Variants in ZNF334 observed in about 807,000 individuals in gnomAD.
ZNF334 encodes the protein zinc finger protein 334.
ZNF334 carries 14 observed loss-of-function variants against 12.4 expected under a neutral mutation model. The ratio of observed to expected loss-of-function variants is 1.13; its 90% CI spans 0.74 to 1.76. The LOEUF (loss-of-function observed/expected upper bound fraction) is 1.76, where lower values mean the gene tolerates loss of function less well. ZNF334 is among the 40% of genes most tolerant of loss of function. The pLI, the probability that ZNF334 is intolerant of heterozygous loss-of-function variation, is 0.00. For synonymous variants in ZNF334, 273 were observed against 269.6 expected (o/e 1.01, Z -0.12); for missense variants, 797 against 804.5 (o/e 0.99, Z 0.11).
chr20:46,471,322 A>T, the ZNF334 span, among the ~76,000 whole-genome samples: 1 of 152,214 alleles, frequency 6.6e-6, no homozygotes, highest in Non-Finnish European at 1.5e-5. Flanking sequence ...TCTGCTATCA[A>T]TTCAAAAAGG....
the ZNF334 span, chr20:46,474,730 T>A: frequency 6.6e-6 from 1 of 152,208 alleles, no homozygotes; most frequent in Admixed American, 6.5e-5. Flanking sequence ...GTAAAGTATG[T>A]GAAGTATAAA....
downstream of ZNF334, among the ~76,000 whole-genome samples, chr20:46,495,852 GC>G (rs1438237757): frequency 3.3e-5 from 5 of 152,154 alleles, no homozygotes; most frequent in Non-Finnish European, 7.3e-5. Context: ...CTTGGGAACA[GC>G]AAGAATTCAT....
At position 46,501,251 on chromosome 20, in the gene ZNF334, T is replaced by C; in HGVS notation, c.*45A>G. The C allele has an allele frequency of 6.4e-7, 1 of 1,573,858 alleles. No individual in the cohort carries two copies. Among genetic ancestry groups the C allele is most frequent in the Non-Finnish European group, 8.6e-7 (1 of 1,161,262 alleles). Reference sequence around the variant, plus strand: ...TACTCACAGTTTAGCATTGTGTAAGTTATTTGATTTGTTGCTTTGTTGGAA... The same window carrying C: ...TACTCACAGTTTAGCATTGTGTAAGCTATTTGATTTGTTGCTTTGTTGGAA... On this transcript the variant is annotated 3_prime_UTR_variant, in exon 5 of 5. Transcript: ENST00000692313.
At chr20:46,508,513 T>C (rs1457578282) in intron 2 of ZNF334, among the ~76,000 whole-genome samples, 1 of 152,206 alleles carries the variant, frequency 6.6e-6, no homozygotes, top group Non-Finnish European at 1.5e-5. Flanking sequence ...GAGCAAACAG[T>C]AGAAACACGG....
the ZNF334 span, among the ~76,000 whole-genome samples, chr20:46,471,260 G>A: frequency 1.3e-5 from 2 of 152,136 alleles, no homozygotes; most frequent in African/African-American, 2.4e-5. Context: ...TTGATATTGG[G>A]TGTGTGTGAC....
intron 2 of ZNF334, among the ~76,000 whole-genome samples, chr20:46,509,178 T>TTTG (rs10677284): frequency 0.082 from 12,476 of 152,208 alleles, 1,317 homozygotes; most frequent in African/African-American, 0.24. Context: ...TTTTAATTAC[T>TTTG]TTTTTATTTT....
At chr20:46,491,345 T>C in the ZNF334 span, 2 of 152,680 alleles carry the variant, frequency 1.3e-5, no homozygotes, top group African/African-American at 2.4e-5. Context: ...TGGAAAAACC[T>C]TTCACCGTTT....
At chr20:46,485,103 G>A in the ZNF334 span, 24,956 of 167,218 alleles carry the variant, frequency 0.15, 1,974 homozygotes, top group African/African-American at 0.18. Flanking sequence ...CAGGTAACAA[G>A]CAGATGGAAG....
intron 2 of ZNF334, among the ~76,000 whole-genome samples, chr20:46,507,402 T>C (rs1041592888): frequency 3.3e-5 from 5 of 152,268 alleles, no homozygotes; most frequent in Middle Eastern, 3.4e-3. Flanking sequence ...CCTGGGTTCC[T>C]AGGTTGGATC....
the ZNF334 span, among the ~76,000 whole-genome samples, chr20:46,475,621 A>G: frequency 6.6e-6 from 1 of 152,318 alleles, no homozygotes; most frequent in Middle Eastern, 3.4e-3. Flanking sequence ...AAAAGACATG[A>G]AAGGACATTT....
At chr20:46,469,533 TA>T in the ZNF334 span, among the ~76,000 whole-genome samples, 1 of 135,342 alleles carries the variant, frequency 7.4e-6, no homozygotes, top group Non-Finnish European at 1.6e-5. Flanking sequence ...CACACTGGGC[TA>T]TTTTTTTTTT....
chr20:46,499,475 T>A (rs1485663166), downstream of ZNF334, among the ~76,000 whole-genome samples: 1 of 152,198 alleles, frequency 6.6e-6, no homozygotes, highest in Non-Finnish European at 1.5e-5. Flanking sequence ...TTTGATTTCT[T>A]TATGTCTTGA....
the ZNF334 span, among the ~76,000 whole-genome samples, chr20:46,476,531 G>T: frequency 6.6e-6 from 1 of 152,168 alleles, no homozygotes; most frequent in African/African-American, 2.4e-5. Flanking sequence ...GTATATGAGG[G>T]CTCTATTTTT....
intron 2 of ZNF334, among the ~76,000 whole-genome samples, chr20:46,511,215 G>A (rs1274797401): frequency 1.4e-5 from 2 of 145,900 alleles, no homozygotes; most frequent in Admixed American, 6.9e-5. Context: ...AACATAGTGA[G>A]ACCTCATCTC....
Position 46,503,085 on chromosome 20 carries a change from G to C in ZNF334, c.254C>G (p.Ala85Gly), listed in dbSNP as rs145669286. ...SNQNYPDIDD[A>G]LEKNKEIQDK... is the part of the protein sequence containing the mutation. ...TTGGATTTCCTTGTTCTTCTCTAAG[G>C]CATCATCAATGTCTAGAAAAAGGAA... The change falls in exon 5 of 5, where the codon GCC becomes GGC. Residue 85 changes from alanine (A) to glycine (G), a missense_variant. Coordinates refer to ENST00000692313, the MANE Select transcript of ZNF334 (RefSeq NM_001353824.2). The C allele has an allele frequency of 2.3e-4, 364 of 1,597,060 alleles. 1 individual carries two copies. In the African/African-American group the frequency reaches 4.5e-3, roughly 20 times the overall value.
In ZNF334 at chr20:46,502,076, A is replaced by T; in HGVS notation, c.1263T>A (p.Asn421Lys). Residue 421 changes from asparagine to lysine, a missense_variant, in exon 5 of 5, where the codon AAT becomes AAA. Physicochemically the swap from Asn to Lys is moderately conservative, Grantham distance 94. Coordinates refer to ENST00000692313, the MANE Select transcript of ZNF334 (RefSeq NM_001353824.2). Reference protein sequence around the residue: ...EKTFFCQSALNVHRRSHTGEK... With the variant: ...EKTFFCQSALKVHRRSHTGEK... ...CTCCTGTATGACTTCTTCGATGCAC[A>T]TTGAGGGCAGATTGACAAAAGAAGG... 1 of 1,614,212 alleles carries T rather than the reference A, an allele frequency of 6.2e-7. No individual in the cohort carries two copies. Among genetic ancestry groups the T allele is most frequent in the Non-Finnish European group, 8.5e-7 (1 of 1,180,038 alleles).
At chr20:46,506,334 A>G (rs1345555694) in intron 2 of ZNF334, 1 of 649,280 alleles carries the variant, frequency 1.5e-6, no homozygotes, top group Admixed American at 2.3e-5. Context: ...AGATGTAAGA[A>G]AACACACATG....
At position 46,501,351 on chromosome 20, in the gene ZNF334, T is replaced by C. The variant is rs1240240356; in HGVS notation, c.1988A>G (p.Lys663Arg). 9 of 1,613,108 alleles carry C rather than the reference T, an allele frequency of 5.6e-6. 1 individual carries two copies. In the Middle Eastern group the frequency reaches 5.0e-4, roughly 89 times the overall value. ...EKPYECNKCE[K>R]TFRHKSNFLL... Reference sequence around the variant, plus strand: ...AAAGTTTGATTTGTGGCGAAATGTTTTCTCACATTTGTTACATTCATAAGG... The same window carrying C: ...AAAGTTTGATTTGTGGCGAAATGTTCTCTCACATTTGTTACATTCATAAGG... Residue 663 changes from lysine to arginine, a missense_variant, in exon 5 of 5, where the codon AAA becomes AGA. Coordinates refer to ENST00000692313, the MANE Select transcript of ZNF334 (RefSeq NM_001353824.2).
chr20:46,502,464 G>C lies in ZNF334; in HGVS notation c.875C>G (p.Pro292Arg). Residue 292 changes from proline (P) to arginine (R), a missense_variant, in exon 5 of 5, where the codon CCC (proline) becomes CGC (arginine). Pro to Arg is a moderately radical substitution (Grantham distance 103). Transcript: ENST00000692313. ...RHRRIHTGER[P>R]YECSECRKTF... ...TTTCCTGCATTCACTGCATTCATAG[G>C]GTCTCTCTCCAGTATGAATTCTTCG... The C allele has an allele frequency of 6.2e-7, 1 of 1,613,952 alleles. No individual in the cohort carries two copies.
Sources: allele counts gnomAD v4.1 joint callset (sites outside exome capture counted in the v4.1 genomes callset), GRCh38; gene constraint gnomAD v4.1.1; transcripts MANE v1.5; gene names NCBI Gene and HGNC (gene_info 2026-07-23, HGNC 2026-07-21).